ABCC4: variants seen among roughly 807,000 people sequenced by gnomAD.
The protein encoded by ABCC4 is ATP binding cassette subfamily C member 4 (PEL blood group), also known as ATP-binding cassette sub-family C member 4.
In ABCC4, 102 loss-of-function variants were observed where a neutral mutation model predicts 168.5. The observed-to-expected ratio is 0.61, with a 90% CI of 0.52 to 0.71. The LOEUF (loss-of-function observed/expected upper bound fraction) is 0.71. ABCC4 is among the 30% of genes least tolerant of loss of function. ABCC4 has a pLI of 0.00. For synonymous variants in ABCC4, 617 were observed against 590.7 expected (o/e 1.04, Z -0.65); for missense variants, 1,402 against 1,605.8 (o/e 0.87, Z 2.17).
At chr13:95,130,198 T>C (rs1210922809) in intron 19 of ABCC4, among the ~76,000 whole-genome samples, 1 of 152,200 alleles carries the variant, frequency 6.6e-6, no homozygotes, top group Non-Finnish European at 1.5e-5. Context: ...TGGGTCTTCT[T>C]GGATAATAAA....
At chr13:95,058,580 A>G (rs1399924441) in intron 26 of ABCC4, among the ~76,000 whole-genome samples, 15 of 68,468 alleles carry the variant, frequency 2.2e-4, no homozygotes, top group African/African-American at 5.9e-4. Context: ...AAAAAAAAAA[A>G]AAAAAAAAAA....
At chr13:95,264,955 G>A (rs886954612) in intron 1 of ABCC4, among the ~76,000 whole-genome samples, 28 of 143,438 alleles carry the variant, frequency 2.0e-4, no homozygotes, top group African/African-American at 4.9e-4. Flanking sequence ...TGCAACTTCC[G>A]CTTCCTGGGT....
intron 4 of ABCC4, among the ~76,000 whole-genome samples, chr13:95,227,026 A>C (rs938998297): frequency 2.0e-5 from 3 of 152,206 alleles, no homozygotes; most frequent in Admixed American, 6.5e-5. Context: ...TCCAGACACC[A>C]GTGGTATTTT....
At chr13:95,076,507 G>GTT (rs33911549) in intron 21 of ABCC4, among the ~76,000 whole-genome samples, 113 of 138,276 alleles carry the variant, frequency 8.2e-4, no homozygotes, top group African/African-American at 2.8e-3. Flanking sequence ...TGTGGTGTAG[G>GTT]TTTTTTTTTT....
intron 19 of ABCC4, among the ~76,000 whole-genome samples, chr13:95,125,983 GA>G (rs2035745898): frequency 1.3e-5 from 2 of 152,166 alleles, no homozygotes; most frequent in African/African-American, 4.8e-5. Context: ...CATGGCCAAT[GA>G]ATGCCACAGA....
intron 1 of ABCC4, among the ~76,000 whole-genome samples, chr13:95,300,841 G>A (rs571525893): frequency 2.0e-4 from 30 of 152,378 alleles, no homozygotes; most frequent in Admixed American, 1.6e-3. Flanking sequence ...CAGAGCAGGA[G>A]GCGGGAGCCA....
chr13:95,243,359 GC>G (rs144812618), intron 3 of ABCC4, among the ~76,000 whole-genome samples: 2,349 of 152,320 alleles, frequency 0.015, 68 homozygotes, highest in African/African-American at 0.053. Context: ...AGATATCATT[GC>G]TATGCAAGAA....
chr13:95,033,821 C>T (rs1352678127), intron 30 of ABCC4, among the ~76,000 whole-genome samples: 2 of 152,082 alleles, frequency 1.3e-5, no homozygotes, highest in African/African-American at 4.8e-5. Context: ...GCTACCACTC[C>T]CAGCTAATTT....
chr13:95,160,801 A>G (rs1305520929), intron 19 of ABCC4, among the ~76,000 whole-genome samples: 1 of 152,210 alleles, frequency 6.6e-6, no homozygotes, highest in Admixed American at 6.5e-5. Context: ...GATCCCTCTG[A>G]AAAATGGCAT....
intron 6 of ABCC4, among the ~76,000 whole-genome samples, chr13:95,209,190 C>T (rs1343774082): frequency 6.6e-6 from 1 of 152,216 alleles, no homozygotes; most frequent in African/African-American, 2.4e-5. Context: ...GGACACTCTA[C>T]TTATTGAGGC....
At chr13:95,282,877 A>G (rs1222537070) in intron 1 of ABCC4, among the ~76,000 whole-genome samples, 1 of 152,082 alleles carries the variant, frequency 6.6e-6, no homozygotes, top group East Asian at 1.9e-4. Flanking sequence ...GAAAGAGAAT[A>G]TATCTCTTGG....
At chr13:95,146,599 G>A (rs184410047) in intron 19 of ABCC4, among the ~76,000 whole-genome samples, 21 of 152,210 alleles carry the variant, frequency 1.4e-4, no homozygotes, top group East Asian at 5.8e-4. Context: ...ACATCCCTGC[G>A]GTTGCCACAT....
chr13:95,210,899 A>G, intron 4 of ABCC4, 118 bp from the exon 5 acceptor site: 1 of 637,196 alleles, frequency 1.6e-6, no homozygotes, highest in South Asian at 2.1e-5. Flanking sequence ...AAGCACAAGC[A>G]TCCCCACCCC....
chr13:95,131,665 A>G (rs1044232853), intron 19 of ABCC4, among the ~76,000 whole-genome samples: 3 of 152,112 alleles, frequency 2.0e-5, no homozygotes, highest in Non-Finnish European at 4.4e-5. Context: ...TTGCCCAAAG[A>G]TGTCAGGCGA....
At chr13:95,225,153 TCACACACACACACACACACACACA>T (rs61398515) in intron 4 of ABCC4, among the ~76,000 whole-genome samples, 1 of 35,226 alleles carries the variant, frequency 2.8e-5, no homozygotes, top group African/African-American at 6.3e-5. Context: ...TCTCTCTCTC[TCACACACACACACACACACACACA>T]CACACACACA....
intron 29 of ABCC4, among the ~76,000 whole-genome samples, chr13:95,036,645 T>C (rs1367645031): frequency 6.6e-6 from 1 of 152,324 alleles, no homozygotes; most frequent in East Asian, 1.9e-4. Context: ...GCATTTTATT[T>C]GTTAGGAGAG....
chr13:95,147,518 T>C (rs2036540002), intron 19 of ABCC4, among the ~76,000 whole-genome samples: 1 of 152,194 alleles, frequency 6.6e-6, no homozygotes, highest in African/African-American at 2.4e-5. Flanking sequence ...AGACTGTCTC[T>C]AAAAACATCC....
intron 6 of ABCC4, among the ~76,000 whole-genome samples, chr13:95,208,278 G>A (rs1252722314): frequency 6.6e-6 from 1 of 150,944 alleles, no homozygotes; most frequent in African/African-American, 2.4e-5. Context: ...TGGGAATGAA[G>A]TGCTGGGGAG....
chr13:95,062,887 A>G (rs1196393495), intron 25 of ABCC4, 28 bp from the exon 26 acceptor site: 2 of 1,321,926 alleles, frequency 1.5e-6, no homozygotes, highest in East Asian at 5.7e-5. Context: ...CGGCAGGATT[A>G]AAAAAAAAAA....
Sources: gnomAD v4.1 joint callset for allele counts (sites outside exome capture counted in the v4.1 genomes callset) on GRCh38, gnomAD v4.1.1 for gene constraint, MANE v1.5 for transcripts, NCBI Gene and HGNC (gene_info 2026-07-23, HGNC 2026-07-21) for gene names.